The following OCA2 variants were observed in gnomAD, a reference collection of about 807,000 sequenced individuals.
The protein encoded by OCA2 is P protein.
In OCA2, 77 loss-of-function variants were observed where a neutral mutation model predicts 100.2. That is an observed-to-expected ratio of 0.77 (90% confidence interval 0.64 to 0.93). The LOEUF is 0.93. Ranked by LOEUF, OCA2 falls within the 40% of genes least tolerant of loss-of-function variation. OCA2 has a pLI of 0.00. For synonymous variants in OCA2, 432 were observed against 439.2 expected, an observed-to-expected ratio of 0.98 and a Z score of 0.21; for missense variants, 1,062 against 1,089.1, an observed-to-expected ratio of 0.98 and a Z score of 0.35.
intron 19 of OCA2, among the ~76,000 whole-genome samples, chr15:27,872,658 A>G (rs2036627191): frequency 6.6e-6 from 1 of 151,640 alleles, no homozygotes; most frequent in Admixed American, 6.6e-5. Flanking sequence ...TGGAAACAGC[A>G]GCTTGTCTGC....
intron 19 of OCA2, among the ~76,000 whole-genome samples, chr15:27,918,475 C>A (rs867240833): frequency 6.6e-6 from 1 of 152,120 alleles, no homozygotes; most frequent in African/African-American, 2.4e-5. Context: ...GAATGCATCC[C>A]GTAGTTGTAG....
At chr15:27,890,015 T>C (rs1443018970) in intron 19 of OCA2, among the ~76,000 whole-genome samples, 1 of 152,148 alleles carries the variant, frequency 6.6e-6, no homozygotes, top group Non-Finnish European at 1.5e-5. Context: ...TGCTACATCC[T>C]CACGCAGTGG....
chr15:28,070,280 G>T (rs1347176769), intron 2 of OCA2, among the ~76,000 whole-genome samples: 1 of 137,194 alleles, frequency 7.3e-6, no homozygotes, highest in Non-Finnish European at 1.6e-5. Flanking sequence ...GAGCGTCTCC[G>T]CCCGGCAGCC....
At chr15:27,748,285 C>T in the OCA2 span, among the ~76,000 whole-genome samples, 1 of 152,180 alleles carries the variant, frequency 6.6e-6, no homozygotes, top group Non-Finnish European at 1.5e-5. Flanking sequence ...CTGGGAAATG[C>T]TCATGGTCGG....
intron 1 of OCA2, among the ~76,000 whole-genome samples, chr15:28,087,298 A>C (rs1203448445): frequency 6.6e-6 from 1 of 152,234 alleles, no homozygotes. Flanking sequence ...GTCAAGCCAG[A>C]AGCCTATATC....
chr15:28,014,500 GGAGA>G (rs1233106911), intron 9 of OCA2, among the ~76,000 whole-genome samples: 1 of 152,160 alleles, frequency 6.6e-6, no homozygotes, highest in Non-Finnish European at 1.5e-5. Context: ...AGTGAGCAGC[GGAGA>G]GAGAGTAGAA....
intron 14 of OCA2, among the ~76,000 whole-genome samples, chr15:27,972,857 T>TTTTTTTGTG (rs2040841801): frequency 7.0e-6 from 1 of 142,698 alleles, no homozygotes; most frequent in Admixed American, 6.9e-5. Context: ...TATTTTATTT[T>TTTTTTTGTG]ATTTTATTTT....
chr15:28,088,120 GTTTTCATTCAGAGAATGCAAGTGC>G (rs2044810366), intron 1 of OCA2, among the ~76,000 whole-genome samples: 1 of 152,114 alleles, frequency 6.6e-6, no homozygotes, highest in African/African-American at 2.4e-5. Flanking sequence ...ATCATGTGCT[GTTTTCATTCAGAGAATGCAAGTGC>G]TTAATGGAAA....
At chr15:28,079,214 A>G (rs1439190601) in intron 2 of OCA2, among the ~76,000 whole-genome samples, 3 of 152,164 alleles carry the variant, frequency 2.0e-5, no homozygotes, top group Non-Finnish European at 4.4e-5. Context: ...ATTGAGGCTA[A>G]GGGGTTTGCT....
chr15:28,017,229 G>A (rs2042425770), intron 7 of OCA2, among the ~76,000 whole-genome samples: 1 of 152,154 alleles, frequency 6.6e-6, no homozygotes, highest in Non-Finnish European at 1.5e-5. Flanking sequence ...GTATCTGGGG[G>A]GAAAAATCCT....
chr15:27,824,000 A>T (rs1203474642), intron 23 of OCA2, among the ~76,000 whole-genome samples: 2 of 152,208 alleles, frequency 1.3e-5, no homozygotes, highest in African/African-American at 4.8e-5. Context: ...CTCAGGGGGA[A>T]CCTAGCTGTT....
intron 2 of OCA2, among the ~76,000 whole-genome samples, chr15:28,067,432 T>C (rs2044059698): frequency 1.3e-5 from 2 of 152,208 alleles, no homozygotes; most frequent in South Asian, 2.1e-4. Context: ...GGTGTAAAGT[T>C]AGATTGTTAA....
intron 2 of OCA2, among the ~76,000 whole-genome samples, chr15:28,068,627 G>A (rs2044097780): frequency 6.6e-6 from 1 of 152,244 alleles, no homozygotes; most frequent in South Asian, 2.1e-4. Context: ...AAATCTGGCA[G>A]AGACACAGTG....
intron 19 of OCA2, among the ~76,000 whole-genome samples, chr15:27,908,506 C>T (rs1435159894): frequency 6.6e-6 from 1 of 152,182 alleles, no homozygotes; most frequent in Admixed American, 6.5e-5. Flanking sequence ...ACCATCCTGA[C>T]ACTTGGAGAT....
At chr15:27,866,591 A>C (rs1005759166) in intron 21 of OCA2, among the ~76,000 whole-genome samples, 2 of 152,208 alleles carry the variant, frequency 1.3e-5, no homozygotes, top group African/African-American at 4.8e-5. Flanking sequence ...ATGAGGCTAC[A>C]AACACAAACG....
At chr15:27,980,445 G>T (rs1283149585) in intron 14 of OCA2, among the ~76,000 whole-genome samples, 1 of 152,152 alleles carries the variant, frequency 6.6e-6, no homozygotes, top group Non-Finnish European at 1.5e-5. Context: ...TTTAAATTAT[G>T]TGAATTTCCC....
intron 9 of OCA2, among the ~76,000 whole-genome samples, chr15:28,012,440 G>A (rs1466849281): frequency 6.6e-6 from 1 of 152,148 alleles, no homozygotes. Context: ...TGGAATCCAG[G>A]GACTGCCCTC....
intron 9 of OCA2, among the ~76,000 whole-genome samples, chr15:28,005,755 C>T (rs75393408): frequency 0.043 from 6,473 of 152,198 alleles, 222 homozygotes; most frequent in South Asian, 0.13. Context: ...CCCCTTTTGC[C>T]GTGTGAGGTC....
At chr15:27,890,039 A>G (rs935408597) in intron 19 of OCA2, among the ~76,000 whole-genome samples, 1 of 152,230 alleles carries the variant, frequency 6.6e-6, no homozygotes, top group Non-Finnish European at 1.5e-5. Flanking sequence ...AGCAAGCCCA[A>G]TAACAGAATT....
Sources: gnomAD v4.1 joint callset for allele counts (sites outside exome capture counted in the v4.1 genomes callset) on GRCh38, gnomAD v4.1.1 for gene constraint, MANE v1.5 for transcripts, NCBI Gene and HGNC (gene_info 2026-07-23, HGNC 2026-07-21) for gene names.